ZFP62: variants seen among roughly 807,000 people sequenced by gnomAD.
ZFP62 encodes zinc finger protein 62 homolog.
ZFP62 carries 44 observed loss-of-function variants against 56.4 expected under a neutral mutation model. The observed-to-expected ratio is 0.78, with a 90% CI of 0.61 to 1.00. The LOEUF is 1.00. ZFP62 is among the 50% of genes least tolerant of loss of function. The pLI is 0.00. For missense variants in ZFP62, 1,030 were observed against 1,085.7 expected (o/e 0.95, Z 0.72); for synonymous variants, 421 against 388.9 (o/e 1.08, Z -0.97).
chr5:180,841,320 C>T, the ZFP62 span, among the ~76,000 whole-genome samples: 17 of 149,980 alleles, frequency 1.1e-4, no homozygotes, highest in Middle Eastern at 3.5e-3. Context: ...TACATACACA[C>T]ATATATATAT....
chr5:180,857,974 C>T (rs528729534), intron 1 of ZFP62, among the ~76,000 whole-genome samples: 10 of 151,454 alleles, frequency 6.6e-5, no homozygotes, highest in Middle Eastern at 3.4e-3. Context: ...AACTTTAGGC[C>T]GGGTACAGTG....
At chr5:180,847,503 G>A (rs750083900), downstream of ZFP62, 6 of 782,716 alleles carry the variant, frequency 7.7e-6, no homozygotes, top group East Asian at 1.3e-4. Context: ...TGCTAGCCCT[G>A]TGGGATGAGT....
the ZFP62 span, among the ~76,000 whole-genome samples, chr5:180,829,502 C>T: frequency 3.7e-4 from 56 of 152,312 alleles, no homozygotes; most frequent in East Asian, 5.8e-4. Flanking sequence ...TGTAAAATTC[C>T]GCTCTTTGTA....
At chr5:180,852,414 C>G (rs147494500) in intron 1 of ZFP62, among the ~76,000 whole-genome samples, 1 of 151,850 alleles carries the variant, frequency 6.6e-6, no homozygotes, top group South Asian at 2.1e-4. Flanking sequence ...ATTAGCTGGG[C>G]GTGATGGCAC....
chr5:180,836,826 G>GT, the ZFP62 span, among the ~76,000 whole-genome samples: 1 of 152,222 alleles, frequency 6.6e-6, no homozygotes, highest in East Asian at 1.9e-4. Flanking sequence ...TGCAGAGGCA[G>GT]TAAGTAGGGA....
intron 1 of ZFP62, among the ~76,000 whole-genome samples, chr5:180,854,859 A>G (rs895650678): frequency 6.6e-6 from 1 of 152,244 alleles, no homozygotes; most frequent in Admixed American, 6.5e-5. Flanking sequence ...TCCAGATTAA[A>G]GAAGGCTAAA....
chr5:180,839,150 CAT>C, the ZFP62 span, among the ~76,000 whole-genome samples: 1 of 152,296 alleles, frequency 6.6e-6, no homozygotes, highest in South Asian at 2.1e-4. Flanking sequence ...GTGCCAATAT[CAT>C]GTATATACAG....
chr5:180,829,609 G>A, the ZFP62 span, among the ~76,000 whole-genome samples: 1 of 152,254 alleles, frequency 6.6e-6, no homozygotes, highest in Non-Finnish European at 1.5e-5. Flanking sequence ...CCCCTATCGG[G>A]TTCCCCCGAT....
At position 180,851,112 on chromosome 5, in the gene ZFP62, G is replaced by C. The variant is rs1397471698; in HGVS notation, c.383C>G (p.Pro128Arg). 2 of 1,551,588 alleles carry C rather than the reference G, an allele frequency of 1.3e-6. No individual in the cohort carries two copies. The highest frequency in any genetic ancestry group is 1.4e-5 in the African/African-American group (1 of 73,032). Residue 128 changes from proline (P) to arginine (R), a missense_variant, in exon 2 of 2, where the codon CCT (proline) becomes CGT (arginine). Transcript: ENST00000502412. Reference protein sequence around the residue: ...RVENINGTSYPSLQQKTNAVK... With the variant: ...RVENINGTSYRSLQQKTNAVK... ...AGCATTGGTTTTCTGCTGTAGACTA[G>C]GGTAGGAGGTTCCATTAATGTTCTC...
At chr5:180,828,034 C>T in the ZFP62 span, among the ~76,000 whole-genome samples, 14 of 152,346 alleles carry the variant, frequency 9.2e-5, no homozygotes, top group East Asian at 1.5e-3. Flanking sequence ...ATCCCCCTCT[C>T]GGAGAAACAC....
chr5:180,839,288 G>T, the ZFP62 span, among the ~76,000 whole-genome samples: 4 of 152,196 alleles, frequency 2.6e-5, no homozygotes, highest in African/African-American at 7.2e-5. Context: ...CTCACATGCT[G>T]CCCTGGTGAT....
chr5:180,852,156 T>TC, intron 1 of ZFP62: 1 of 305,462 alleles, frequency 3.3e-6, no homozygotes. Context: ...AGTCCAGACA[T>TC]TGTCCCAGGT....
the ZFP62 span, among the ~76,000 whole-genome samples, chr5:180,828,118 C>T: frequency 0.037 from 5,574 of 152,060 alleles, 292 homozygotes; most frequent in African/African-American, 0.12. Flanking sequence ...GCTGGTTCCC[C>T]GGGCCCCCTT....
chr5:180,856,180 T>C (rs1173563079), intron 1 of ZFP62, among the ~76,000 whole-genome samples: 1 of 152,262 alleles, frequency 6.6e-6, no homozygotes, highest in East Asian at 1.9e-4. Context: ...CTGTTCTGGC[T>C]CTGCTTAAAC....
intron 1 of ZFP62, among the ~76,000 whole-genome samples, chr5:180,858,734 C>A (rs1353803478): frequency 6.6e-6 from 1 of 152,148 alleles, no homozygotes; most frequent in Non-Finnish European, 1.5e-5. Flanking sequence ...GTAGCTAAGT[C>A]ATGTGTCCCT....
chr5:180,860,483 G>A (rs1581980299), intron 1 of ZFP62: 1 of 152,028 alleles, frequency 6.6e-6, no homozygotes, highest in African/African-American at 2.4e-5. Flanking sequence ...GTTCCCGCAG[G>A]CTGTCCCCTG....
the ZFP62 span, chr5:180,830,552 CTCAG>C: frequency 6.6e-6 from 1 of 152,550 alleles, no homozygotes; most frequent in East Asian, 1.9e-4. Context: ...CCATCAGGGT[CTCAG>C]TCAGTCATCA....
chr5:180,841,248 T>TAA, the ZFP62 span, among the ~76,000 whole-genome samples: 2 of 57,260 alleles, frequency 3.5e-5, no homozygotes, highest in Admixed American at 2.4e-4. Flanking sequence ...TATCCATATA[T>TAA]ATATACACAC....
At chr5:180,856,123 C>CAA (rs1446783843) in intron 1 of ZFP62, among the ~76,000 whole-genome samples, 1 of 152,224 alleles carries the variant, frequency 6.6e-6, no homozygotes, top group Non-Finnish European at 1.5e-5. Flanking sequence ...AAATCACAGA[C>CAA]ACTTTGCCAC....
Sources: allele counts gnomAD v4.1 joint callset (sites outside exome capture counted in the v4.1 genomes callset), GRCh38; gene constraint gnomAD v4.1.1; transcripts MANE v1.5; gene names NCBI Gene and HGNC (gene_info 2026-07-23, HGNC 2026-07-21).